The following NUP188 variants were observed in gnomAD, a reference collection of about 807,000 sequenced individuals.
NUP188 encodes nucleoporin 188.
In NUP188, 97 loss-of-function variants were observed where a neutral mutation model predicts 223.0. The ratio of observed to expected loss-of-function variants is 0.43; its 90% CI spans 0.37 to 0.51. The LOEUF (loss-of-function observed/expected upper bound fraction) is 0.51, where lower values mean the gene tolerates loss of function less well. Among genes scored for constraint, NUP188 ranks in the 20% least tolerant of loss-of-function variants. NUP188 has a pLI of 0.00. For missense variants in NUP188, 1,947 were observed against 2,175.6 expected (o/e 0.89, Z 2.09); for synonymous variants, 869 against 828.0 (o/e 1.05, Z -0.85).
chr9:128,987,064 TGAGAGAGA>T (rs137999231), intron 22 of NUP188, among the ~76,000 whole-genome samples, 189 bp downstream of exon 22: 9 of 110,994 alleles, frequency 8.1e-5, no homozygotes, highest in Non-Finnish European at 1.2e-4. Flanking sequence ...GAAGTAGGAA[TGAGAGAGA>T]GAGAGAGAGA....
At position 128,968,729 on chromosome 9, in the gene NUP188, A is replaced by G; in HGVS notation, c.797+12A>G. On this transcript the variant is annotated intron_variant, in intron 9 of 43. Transcript: ENST00000372577. ...GTAGATCGGATTGGGTAAGTCAGTG[A>G]ATTGAACATCATGGAACTTGCAGTG... 1 of 1,593,440 alleles carries G rather than the reference A, an allele frequency of 6.3e-7. No individual in the cohort carries two copies.
chr9:128,960,513 T>G (rs1449498168), intron 8 of NUP188, among the ~76,000 whole-genome samples: 1 of 152,204 alleles, frequency 6.6e-6, no homozygotes, highest in Non-Finnish European at 1.5e-5. Flanking sequence ...GGCCTATTTA[T>G]ACATATGACA....
chr9:129,005,540 A>G lies in NUP188; in HGVS notation c.4737+10A>G. The G allele has an allele frequency of 6.2e-7, 1 of 1,609,184 alleles. No homozygotes were observed. The highest frequency in any genetic ancestry group is 8.5e-7 in the Non-Finnish European group (1 of 1,179,804). On this transcript the variant is annotated intron_variant, in intron 40 of 43. Coordinates refer to ENST00000372577, the MANE Select transcript of NUP188 (RefSeq NM_015354.3). The stretch of plus-strand genomic sequence containing the variant: ...GATTCTGCTGGATCAGGTACTGCCC[A>G]TCATCTGTTCAGCACCACCTCCCCT...
intron 25 of NUP188, among the ~76,000 whole-genome samples, chr9:128,991,346 T>C (rs980124035): frequency 4.0e-5 from 6 of 151,856 alleles, no homozygotes; most frequent in African/African-American, 7.3e-5. Flanking sequence ...AAGACCAGCG[T>C]GGCCAAGATG....
chr9:128,979,806 G>T (rs1416464246), intron 13 of NUP188, among the ~76,000 whole-genome samples: 1 of 152,058 alleles, frequency 6.6e-6, no homozygotes, highest in Non-Finnish European at 1.5e-5. Context: ...CTAATTTTTT[G>T]TATTTCTAGT....
In NUP188 at chr9:128,995,402, A is replaced by C; in HGVS notation, c.3239A>C (p.Lys1080Thr). 1 of 1,614,046 alleles carries C rather than the reference A, an allele frequency of 6.2e-7. No homozygotes were observed. Among genetic ancestry groups the C allele is most frequent in the Non-Finnish European group, 8.5e-7 (1 of 1,179,992 alleles). Reference protein sequence around the residue: ...KRFAYWSGYVKSLAVHVAETE... With the variant: ...KRFAYWSGYVTSLAVHVAETE... Reference sequence around the variant, plus strand: ...TTTGCCTACTGGTCAGGGTATGTCAAGTCATTGGCAGTTCACGTGGCCGAA... The same window carrying C: ...TTTGCCTACTGGTCAGGGTATGTCACGTCATTGGCAGTTCACGTGGCCGAA... Residue 1080 changes from lysine (K) to threonine (T), a missense_variant, in exon 30 of 44, where the codon AAG (lysine) becomes ACG (threonine). Physicochemically the swap from Lys to Thr is moderately conservative, Grantham distance 78 (BLOSUM62 -1). Transcript: ENST00000372577.
chr9:128,951,046 T>TC (rs1411175837), intron 2 of NUP188, among the ~76,000 whole-genome samples: 3 of 152,124 alleles, frequency 2.0e-5, no homozygotes, highest in Non-Finnish European at 4.4e-5. Context: ...GCATGGTGGC[T>TC]CACGCCTGTA....
At chr9:128,984,131 T>G (rs554605829) in intron 19 of NUP188, among the ~76,000 whole-genome samples, 1 of 141,668 alleles carries the variant, frequency 7.1e-6, no homozygotes, top group South Asian at 2.3e-4. Flanking sequence ...CTGATTTTTT[T>G]TTTTTTTTTT....
chr9:128,986,471 T>C (rs1402629866), intron 20 of NUP188, 87 bp from the exon 21 acceptor site: 2 of 1,380,558 alleles, frequency 1.4e-6, no homozygotes, highest in Non-Finnish European at 2.0e-6. Context: ...CCTTTGGACC[T>C]ATCTATGGTT....
chr9:128,966,620 G>A (rs1842034655), intron 8 of NUP188, among the ~76,000 whole-genome samples: 1 of 152,100 alleles, frequency 6.6e-6, no homozygotes, highest in Admixed American at 6.6e-5. Flanking sequence ...TTACAGGTGT[G>A]AAGTACTATA....
chr9:128,950,378 G>T (rs923918385), intron 2 of NUP188, among the ~76,000 whole-genome samples: 2 of 151,716 alleles, frequency 1.3e-5, no homozygotes, highest in African/African-American at 4.8e-5. Flanking sequence ...ATGCCACCAC[G>T]CCCGGCTAAT....
At chr9:128,963,919 C>T (rs1311576535) in intron 8 of NUP188, among the ~76,000 whole-genome samples, 2 of 151,604 alleles carry the variant, frequency 1.3e-5, no homozygotes, top group African/African-American at 4.9e-5. Context: ...TGAGTTCAAG[C>T]GATTCTCCTG....
chr9:128,979,280 T>C lies in NUP188; in HGVS notation c.1222T>C (p.Cys408Arg), dbSNP rs781166372. 4 of 1,611,996 alleles carry C rather than the reference T, an allele frequency of 2.5e-6. No homozygotes were observed. The highest frequency in any genetic ancestry group is 3.3e-5 in the Admixed American group (2 of 59,924). The change falls in exon 13 of 44, where the codon TGT becomes CGT. Residue 408 changes from cysteine (C) to arginine (R), a missense_variant. Physicochemically the swap from Cys to Arg is radical, Grantham distance 180. This residue lies in a region of NUP188 where 817 missense variants were observed against 865.8 expected (regional missense o/e 0.94). Coordinates refer to ENST00000372577, the MANE Select transcript of NUP188 (RefSeq NM_015354.3). ...CAAACAGGATATAATTGATACAGCATGTGAAGTATTGGCCGACCCTTCTCT... is the reference window on the plus strand; with the variant it reads ...CAAACAGGATATAATTGATACAGCACGTGAAGTATTGGCCGACCCTTCTCT... ...GNQQDIIDTA[C>R]EVLADPSLPE...
At chr9:128,990,777 A>G (rs1842411666) in intron 25 of NUP188, among the ~76,000 whole-genome samples, 1 of 152,190 alleles carries the variant, frequency 6.6e-6, no homozygotes, top group South Asian at 2.1e-4. Flanking sequence ...AGGCAGGAGA[A>G]TGGCATGCAC....
intron 5 of NUP188, among the ~76,000 whole-genome samples, chr9:128,957,533 T>A (rs1841888138): frequency 6.6e-6 from 1 of 152,000 alleles, no homozygotes; most frequent in Non-Finnish European, 1.5e-5. Context: ...GGCGTGATCT[T>A]GGCTCACTGG....
chr9:128,978,297 C>T (rs1322778364), intron 12 of NUP188, among the ~76,000 whole-genome samples: 2 of 152,032 alleles, frequency 1.3e-5, no homozygotes, highest in African/African-American at 2.4e-5. Flanking sequence ...AGAGGCTGGT[C>T]TCACACCTGT....
intron 24 of NUP188, among the ~76,000 whole-genome samples, 162 bp from the exon 25 acceptor site, chr9:128,989,958 A>G (rs1208302501): frequency 6.6e-6 from 1 of 152,202 alleles, no homozygotes; most frequent in Non-Finnish European, 1.5e-5. Context: ...TTTGCTCCTC[A>G]ATCAAGAGAA....
At chr9:128,989,786 C>T (rs534195336) in intron 24 of NUP188, among the ~76,000 whole-genome samples, 6 of 152,098 alleles carry the variant, frequency 3.9e-5, no homozygotes, top group East Asian at 1.9e-4. Context: ...GAGTCGAGAT[C>T]GTGCCACTGC....
In NUP188 at chr9:129,005,686, C is replaced by T. The variant is rs1351000263; in HGVS notation, c.4779C>T (p.Ser1593=). 3 of 1,614,110 alleles carry T rather than the reference C, an allele frequency of 1.9e-6. No individual in the cohort carries two copies. The highest frequency in any genetic ancestry group is 2.5e-6 in the Non-Finnish European group (3 of 1,179,994). ...AATACAACTTCCTGTTTGCCCTGAG[C>T]TTTACCACTCCCACCTTTGACTCCG... The part of the protein sequence containing the change: ...LAEYNFLFAL[S]FTTPTFDSEV... Residue 1593 remains serine (S), a synonymous_variant, in exon 41 of 44, where the codon AGC becomes AGT. Transcript: ENST00000372577.
Sources: gnomAD v4.1 joint callset for allele counts (sites outside exome capture counted in the v4.1 genomes callset) on GRCh38, gnomAD v4.1.1 for gene constraint, gnomAD v4.1.1 regional missense constraint, MANE v1.5 for transcripts, NCBI Gene and HGNC (gene_info 2026-07-23, HGNC 2026-07-21) for gene names.